The following LTBP2 variants were observed in gnomAD, a reference collection of about 807,000 sequenced individuals.
The protein encoded by LTBP2 is latent transforming growth factor beta binding protein 2.
Under a neutral mutation model 210.6 loss-of-function variants are expected in LTBP2, and 103 were observed. The ratio of observed to expected loss-of-function variants is 0.49; its 90% CI spans 0.42 to 0.58. The LOEUF (loss-of-function observed/expected upper bound fraction) is 0.58, where lower values mean the gene tolerates loss of function less well. Ranked by LOEUF, LTBP2 falls within the 20% of genes least tolerant of loss-of-function variation. The pLI, the probability that LTBP2 is intolerant of heterozygous loss-of-function variation, is 0.00. For missense variants in LTBP2, 2,313 were observed against 2,494.5 expected (o/e 0.93, Z 1.55); for synonymous variants, 1,007 against 1,015.0 (o/e 0.99, Z 0.15).
chr14:74,574,000 G>A (rs2088020875), intron 3 of LTBP2, among the ~76,000 whole-genome samples: 1 of 152,140 alleles, frequency 6.6e-6, no homozygotes, highest in Non-Finnish European at 1.5e-5. Context: ...CTTAGCCACT[G>A]TGCCGAGCTG....
chr14:74,562,047 T>A (rs938384721), intron 3 of LTBP2, among the ~76,000 whole-genome samples: 1 of 151,924 alleles, frequency 6.6e-6, no homozygotes, highest in Non-Finnish European at 1.5e-5. Context: ...CTGTCTCTAC[T>A]AAAAATACAA....
chr14:74,552,829 G>A, intron 5 of LTBP2, 63 bp downstream of exon 5: 1 of 1,562,808 alleles, frequency 6.4e-7, no homozygotes, highest in Non-Finnish European at 8.7e-7. Context: ...AGGCAGGCCT[G>A]GCTCTCTGGC....
chr14:74,561,746 T>C (rs555899080), intron 3 of LTBP2, among the ~76,000 whole-genome samples: 20 of 152,188 alleles, frequency 1.3e-4, no homozygotes, highest in Non-Finnish European at 2.5e-4. Flanking sequence ...AGAAAAAGCA[T>C]GGTGAATGTG....
rs151207085 is a variant in LTBP2, at chr14:74,590,704, G to A, written c.566-4586C>T. 7.8e-3 allele frequency among the ~76,000 whole-genome samples: 1,183 copies of A among 152,322 alleles called. 21 individuals carry two copies. Among genetic ancestry groups the A allele is most frequent in the African/African-American group, 0.027 (1,129 of 41,554 alleles). The stretch of plus-strand genomic sequence containing the variant: ...TTTTTGCAGCAACTTGGATGGAGCT[G>A]GAGGCCATTATTCTAAGTGAAGTAG... On this transcript the variant is annotated intron_variant, in intron 2 of 35. Transcript: ENST00000261978.
At chr14:74,520,443 G>C (rs1449410161) in intron 17 of LTBP2, among the ~76,000 whole-genome samples, 1 of 152,196 alleles carries the variant, frequency 6.6e-6, no homozygotes, top group Non-Finnish European at 1.5e-5. Context: ...ATGGAGTTGG[G>C]ATGATGAGCT....
At chr14:74,512,870 A>G (rs946294051) in intron 18 of LTBP2, among the ~76,000 whole-genome samples, 3 of 152,236 alleles carry the variant, frequency 2.0e-5, no homozygotes, top group African/African-American at 7.2e-5. Context: ...TGAAGGATCT[A>G]AGATGACTAA....
At chr14:74,511,965 G>A (rs2087077370) in intron 18 of LTBP2, among the ~76,000 whole-genome samples, 1 of 152,202 alleles carries the variant, frequency 6.6e-6, no homozygotes, top group Admixed American at 6.5e-5. Flanking sequence ...GAATCATGTA[G>A]GGATCCTGGC....
chr14:74,603,263 G>A (rs541720309), intron 2 of LTBP2, among the ~76,000 whole-genome samples: 1 of 152,298 alleles, frequency 6.6e-6, no homozygotes, highest in East Asian at 1.9e-4. Context: ...GAGTAGCTGG[G>A]ATTACAGGCA....
rs766804839 is a variant in LTBP2 at position 74,555,627 on chromosome 14, T to G, written c.897A>C (p.Arg299=). The change falls in exon 4 of 36, where the codon CGA becomes CGC. Residue 299 remains arginine (R), a synonymous_variant. Coordinates refer to ENST00000261978, the MANE Select transcript of LTBP2 (RefSeq NM_000428.3). ...QQHVGLSRTV[R]LHPTATASSQ... ...TACTGGCCGTGGCAGTCGGGTGAAG[T>G]CGGACAGTGCGGGACAACCCCACGT... The G allele has an allele frequency of 1.2e-6, 2 of 1,608,458 alleles. No individual in the cohort carries two copies. Among genetic ancestry groups the G allele is most frequent in the African/African-American group, 2.7e-5 (2 of 74,802 alleles).
intron 3 of LTBP2, among the ~76,000 whole-genome samples, chr14:74,575,089 C>T (rs2088039792): frequency 6.6e-6 from 1 of 152,230 alleles, no homozygotes; most frequent in African/African-American, 2.4e-5. Context: ...CCACCTTCCT[C>T]ACAACCTCTC....
chr14:74,528,802 A>AGGAG, intron 11 of LTBP2, 104 bp from the exon 12 acceptor site: 1 of 1,521,598 alleles, frequency 6.6e-7, no homozygotes. Context: ...TGTGGCAGCA[A>AGGAG]GGAGGGAGGG....
chr14:74,506,638 G>T, intron 27 of LTBP2, 60 bp downstream of exon 27: 1 of 1,604,896 alleles, frequency 6.2e-7, no homozygotes, highest in Non-Finnish European at 8.5e-7. Context: ...AGTTGAGGAG[G>T]AGGACCCCAG....
At chr14:74,574,796 G>A (rs548045551) in intron 3 of LTBP2, among the ~76,000 whole-genome samples, 1 of 152,322 alleles carries the variant, frequency 6.6e-6, no homozygotes, top group South Asian at 2.1e-4. Context: ...GGAGTCACTA[G>A]GTTGTCATCA....
intron 9 of LTBP2, among the ~76,000 whole-genome samples, chr14:74,532,832 T>C (rs1319454461): frequency 6.6e-6 from 1 of 152,010 alleles, no homozygotes; most frequent in African/African-American, 2.4e-5. Context: ...AGAGCTAATG[T>C]TTATTTATTT....
intron 3 of LTBP2, among the ~76,000 whole-genome samples, 158 bp from the exon 4 acceptor site, chr14:74,555,851 T>C (rs2087722241): frequency 6.6e-6 from 1 of 152,224 alleles, no homozygotes; most frequent in African/African-American, 2.4e-5. Flanking sequence ...GAAGGTGCCC[T>C]GAGGCAGAAG....
At chr14:74,555,718 G>A in intron 3 of LTBP2, 25 bp from the exon 4 acceptor site, 3 of 1,477,580 alleles carry the variant, frequency 2.0e-6, no homozygotes, top group Non-Finnish European at 2.7e-6. Flanking sequence ...GCGGCACGGG[G>A]GTTTGCACCC....
intron 3 of LTBP2, among the ~76,000 whole-genome samples, chr14:74,556,927 A>G (rs10142206): frequency 0.52 from 78,656 of 152,118 alleles, 20,917 homozygotes; most frequent in Non-Finnish European, 0.56. Flanking sequence ...TATTTTGTAT[A>G]TTTGAAAAAA....
chr14:74,597,945 G>A (rs770026199), intron 2 of LTBP2, among the ~76,000 whole-genome samples: 1 of 152,182 alleles, frequency 6.6e-6, no homozygotes, highest in Non-Finnish European at 1.5e-5. Context: ...CCTAAGGCTT[G>A]TTAAGCATTT....
Position 74,502,807 on chromosome 14 carries a change from A to T in LTBP2, c.5016T>A (p.Asp1672Glu), listed in dbSNP as rs755508411. The T allele has an allele frequency of 3.1e-6, 5 of 1,614,170 alleles. No individual in the cohort carries two copies. Among genetic ancestry groups the T allele is most frequent in the Non-Finnish European group, 4.2e-6 (5 of 1,180,014 alleles). The change falls in exon 34 of 36, where the codon GAT (aspartate) becomes GAA (glutamate). Residue 1672 changes from aspartate to glutamate, a missense_variant. Transcript: ENST00000261978. ...DDLHYSIYGP[D>E]GAPFYNYLGP... Reference sequence around the variant, plus strand: ...CCAGGTAGTTGTAGAAGGGGGCCCCATCTGGGCCATAGATGCTGTAGTGCA... The same window carrying T: ...CCAGGTAGTTGTAGAAGGGGGCCCCTTCTGGGCCATAGATGCTGTAGTGCA...
Sources: gnomAD v4.1 joint callset for allele counts (sites outside exome capture counted in the v4.1 genomes callset) on GRCh38, gnomAD v4.1.1 for gene constraint, MANE v1.5 for transcripts, NCBI Gene and HGNC (gene_info 2026-07-23, HGNC 2026-07-21) for gene names.